Variants in DYTN observed in about 807,000 individuals in gnomAD.
DYTN encodes dystrotelin.
A neutral mutation model predicts 69.6 loss-of-function variants in DYTN; 75 were observed. The ratio of observed to expected loss-of-function variants is 1.08; its 90% CI spans 0.89 to 1.31. DYTN has a LOEUF of 1.31. Among genes scored for constraint, DYTN ranks in the 50% most tolerant of loss-of-function variants. The pLI is 0.00. For missense variants in DYTN, 726 were observed against 688.4 expected, an observed-to-expected ratio of 1.05 and a Z score of -0.61; for synonymous variants, 252 against 249.1, an observed-to-expected ratio of 1.01 and a Z score of -0.11.
Position 206,710,529 on chromosome 2 carries a change from C to T in DYTN, c.89G>A (p.Cys30Tyr), listed in dbSNP as rs1222415261. 6.2e-7 allele frequency: 1 copy of T among 1,611,086 alleles called. No homozygotes were observed. Among genetic ancestry groups the T allele is most frequent in the Non-Finnish European group, 8.5e-7 (1 of 1,178,750 alleles). Reference protein sequence around the residue: ...AFKLQSVQTLCQLDLIDSSLI... With the variant: ...AFKLQSVQTLYQLDLIDSSLI... The stretch of plus-strand genomic sequence containing the variant: ...TCAGGAGAGCCTATACTTACACTGG[C>T]ACAGAGTTTGCACTGATTGTAATTT... Residue 30 changes from cysteine (C) to tyrosine (Y), a missense_variant, in exon 2 of 12, where the codon TGC (cysteine) becomes TAC (tyrosine). Transcript: ENST00000452335.
intron 2 of DYTN, among the ~76,000 whole-genome samples, chr2:206,708,964 TTGC>T (rs1700053578): frequency 1.3e-5 from 2 of 152,184 alleles, no homozygotes; most frequent in South Asian, 4.1e-4. Context: ...ATGTGAACAA[TTGC>T]TGCTAACTTT....
intron 7 of DYTN, among the ~76,000 whole-genome samples, chr2:206,698,374 A>T (rs991242289): frequency 3.4e-4 from 51 of 152,176 alleles, no homozygotes; most frequent in Admixed American, 1.8e-3. Context: ...TTTTACCTCC[A>T]TGGGGAGCAA....
chr2:206,683,329 T>G (rs116335097), intron 9 of DYTN, among the ~76,000 whole-genome samples: 3,961 of 145,692 alleles, frequency 0.027, 71 homozygotes, highest in South Asian at 0.053. Flanking sequence ...ACCTCTTCTT[T>G]TTACTTTTTC....
In DYTN at chr2:206,700,127, C is replaced by T. The variant is rs1699961348; in HGVS notation, c.555+18G>A. 6.2e-7 allele frequency: 1 copy of T among 1,613,672 alleles called. No homozygotes were observed. Among genetic ancestry groups the T allele is most frequent in the African/African-American group, 1.3e-5 (1 of 74,916 alleles). ...CCGTGTCTGTCCCCAACTCCAGGGACATTTGCAAGGCACTCACCCCTTGGA... is the reference window on the plus strand; with the variant it reads ...CCGTGTCTGTCCCCAACTCCAGGGATATTTGCAAGGCACTCACCCCTTGGA... On this transcript the variant is annotated intron_variant, in intron 6 of 11. Transcript: ENST00000452335.
chr2:206,711,452 C>T (rs1559319209), intron 1 of DYTN, among the ~76,000 whole-genome samples: 1 of 152,092 alleles, frequency 6.6e-6, no homozygotes, highest in African/African-American at 2.4e-5. Context: ...GTTTCTTCTT[C>T]AGATAAATGG....
chr2:206,700,612 T>TA (rs398105232), intron 5 of DYTN, among the ~76,000 whole-genome samples: 1 of 151,914 alleles, frequency 6.6e-6, no homozygotes, highest in Non-Finnish European at 1.5e-5. Context: ...TTTTTTTTTT[T>TA]ACTTTAAGTT....
chr2:206,658,982 G>A (rs1429677719), intron 11 of DYTN, among the ~76,000 whole-genome samples: 1 of 109,586 alleles, frequency 9.1e-6, no homozygotes, highest in African/African-American at 3.4e-5. Context: ...AAAACAAGAG[G>A]ACTTTTTTTT....
At chr2:206,665,838 T>G in intron 10 of DYTN, 32 bp downstream of exon 10, 1 of 1,608,792 alleles carries the variant, frequency 6.2e-7, no homozygotes, top group African/African-American at 1.3e-5. Flanking sequence ...TTCCAGGCAG[T>G]CCAGATGGCC....
intron 11 of DYTN, among the ~76,000 whole-genome samples, chr2:206,654,678 T>TA (rs1164844811): frequency 1.3e-5 from 2 of 152,208 alleles, no homozygotes; most frequent in African/African-American, 4.8e-5. Context: ...ACTATTCCAG[T>TA]AAACACTTCT....
At chr2:206,717,315 A>G (rs1198648300) in intron 1 of DYTN, among the ~76,000 whole-genome samples, 1 of 152,202 alleles carries the variant, frequency 6.6e-6, no homozygotes. Context: ...AATGTCCATC[A>G]TCTAGTTCAA....
At chr2:206,674,682 T>TAAAGGACGTTTAAAGAATAATCTACA (rs1206505171) in intron 9 of DYTN, among the ~76,000 whole-genome samples, 4 of 152,064 alleles carry the variant, frequency 2.6e-5, no homozygotes, top group African/African-American at 4.8e-5. Context: ...AAACAAAATT[T>TAAAGGACGTTTAAAGAATAATCTACA]AAAGGACGTT....
intron 9 of DYTN, among the ~76,000 whole-genome samples, chr2:206,674,544 A>G (rs1243793337): frequency 1.3e-5 from 2 of 152,168 alleles, no homozygotes; most frequent in African/African-American, 4.8e-5. Flanking sequence ...ATTATTTCAA[A>G]CACAAGAAAA....
intron 9 of DYTN, among the ~76,000 whole-genome samples, chr2:206,681,197 T>A (rs572106489): frequency 6.6e-6 from 1 of 152,288 alleles, no homozygotes; most frequent in Admixed American, 6.5e-5. Context: ...TGTATAGGAA[T>A]ACTTGTGATT....
At position 206,694,880 on chromosome 2, in the gene DYTN, G is replaced by T. The variant is rs1699904080; in HGVS notation, c.720-3C>A. 2 of 1,567,264 alleles carry T rather than the reference G, an allele frequency of 1.3e-6. No homozygotes were observed. The highest frequency in any genetic ancestry group is 2.8e-5 in the African/African-American group (2 of 71,486). ...TGAGACACTTCAGACAGCGGTATCT[G>T]CCAGTTAAAATAGAAGCACAGCTTA... is the stretch of plus-strand genomic sequence containing the variant. On this transcript the variant is annotated splice_polypyrimidine_tract_variant and splice_region_variant and intron_variant, in intron 7 of 11. Transcript: ENST00000452335.
At chr2:206,669,534 C>A (rs1199643333) in intron 9 of DYTN, among the ~76,000 whole-genome samples, 1 of 152,050 alleles carries the variant, frequency 6.6e-6, no homozygotes, top group Non-Finnish European at 1.5e-5. Context: ...GTGATAAATA[C>A]TTTAGCAGTA....
intron 7 of DYTN, among the ~76,000 whole-genome samples, chr2:206,698,917 G>A (rs12993580): frequency 0.21 from 31,354 of 152,172 alleles, 3,924 homozygotes; most frequent in Non-Finnish European, 0.26. Flanking sequence ...CAGGGACTCC[G>A]GATTTAGGAT....
rs368435160 is a variant in DYTN at position 206,651,797 on chromosome 2, C to A, written c.*21G>T. On this transcript the variant is annotated 3_prime_UTR_variant, in exon 12 of 12. Transcript: ENST00000452335. ...TGCATTTTGTCATCACACCAAGAGG[C>A]CTTTGAGCCTGGACTCCATTTCACT... 4.9e-5 allele frequency: 78 copies of A among 1,606,124 alleles called. No individual in the cohort carries two copies. Among genetic ancestry groups the A allele is most frequent in the Non-Finnish European group, 6.3e-5 (74 of 1,173,326 alleles).
chr2:206,658,964 A>G (rs982211793), intron 11 of DYTN, among the ~76,000 whole-genome samples: 9 of 146,824 alleles, frequency 6.1e-5, no homozygotes, highest in African/African-American at 2.3e-4. Context: ...ATAGTTGAAT[A>G]ATACAGTAAA....
chr2:206,704,999 G>C, intron 4 of DYTN, 56 bp from the exon 5 acceptor site: 1 of 1,404,384 alleles, frequency 7.1e-7, no homozygotes, highest in Non-Finnish European at 1.0e-6. Flanking sequence ...TATCTTTGAA[G>C]AGTACTTGCT....
Sources: gnomAD v4.1 joint callset for allele counts (sites outside exome capture counted in the v4.1 genomes callset) on GRCh38, gnomAD v4.1.1 for gene constraint, MANE v1.5 for transcripts, NCBI Gene and HGNC (gene_info 2026-07-23, HGNC 2026-07-21) for gene names.